LMF1: variants seen among roughly 807,000 people sequenced by gnomAD.
LMF1 encodes lipase maturation factor 1.
A neutral mutation model predicts 60.6 loss-of-function variants in LMF1; 68 were observed. The ratio of observed to expected loss-of-function variants is 1.12; its 90% CI spans 0.92 to 1.37. The LOEUF (loss-of-function observed/expected upper bound fraction) is 1.37, where lower values mean the gene tolerates loss of function less well. LMF1 is among the 40% of genes most tolerant of loss of function. The probability of loss-of-function intolerance (pLI) is 0.00; values close to 1 mark genes in which losing one functional copy is unlikely to be tolerated. For synonymous variants in LMF1, 418 were observed against 324.7 expected, an observed-to-expected ratio of 1.29 and a Z score of -3.09; for missense variants, 948 against 767.2, an observed-to-expected ratio of 1.24 and a Z score of -2.78.
At chr16:896,874 C>T (rs956897448) in intron 4 of LMF1, among the ~76,000 whole-genome samples, 1 of 152,082 alleles carries the variant, frequency 6.6e-6, no homozygotes, top group Non-Finnish European at 1.5e-5. Context: ...AATTATATTC[C>T]TCCCATCTAT....
At chr16:949,764 T>C (rs375338540) in intron 2 of LMF1, among the ~76,000 whole-genome samples, 3 of 78,240 alleles carry the variant, frequency 3.8e-5, no homozygotes, top group African/African-American at 7.7e-5. Flanking sequence ...TCAGAGCCAA[T>C]GACAGAGTCA....
chr16:856,506 T>G (rs1217898121), intron 10 of LMF1, among the ~76,000 whole-genome samples: 2 of 151,894 alleles, frequency 1.3e-5, no homozygotes, highest in East Asian at 3.9e-4. Context: ...GCCGGGAGGG[T>G]GGGGATCCTG....
chr16:958,104 C>T (rs1011937462), intron 1 of LMF1, among the ~76,000 whole-genome samples: 1 of 152,170 alleles, frequency 6.6e-6, no homozygotes, highest in Non-Finnish European at 1.5e-5. Context: ...CAAAAAGGAT[C>T]ATAGACCTAA....
intron 3 of LMF1, among the ~76,000 whole-genome samples, chr16:912,962 A>G (rs913213892): frequency 1.3e-5 from 2 of 152,328 alleles, no homozygotes; most frequent in South Asian, 2.1e-4. Context: ...CTCACCCAGC[A>G]AACACCAGCG....
chr16:892,104 C>T (rs113311990), intron 5 of LMF1, among the ~76,000 whole-genome samples: 1,959 of 152,326 alleles, frequency 0.013, 42 homozygotes, highest in African/African-American at 0.045. Context: ...GACCCGGAAT[C>T]GCAGCAGAGG....
intron 10 of LMF1, among the ~76,000 whole-genome samples, chr16:857,123 C>T (rs539372238): frequency 1.3e-5 from 2 of 152,378 alleles, no homozygotes; most frequent in Admixed American, 6.5e-5. Flanking sequence ...CGCTGACCGG[C>T]GTCTGCGGCG....
At chr16:868,664 G>T (rs1488794168) in intron 10 of LMF1, among the ~76,000 whole-genome samples, 1 of 151,104 alleles carries the variant, frequency 6.6e-6, no homozygotes, top group East Asian at 2.0e-4. Flanking sequence ...GTGAGCCGGG[G>T]TCACCCTGCC....
intron 5 of LMF1, among the ~76,000 whole-genome samples, chr16:890,413 G>A (rs1255399770): frequency 6.6e-6 from 1 of 152,302 alleles, no homozygotes; most frequent in South Asian, 2.1e-4. Context: ...CAGCTGGAAG[G>A]AGCCGGCCCG....
chr16:887,131 CAG>C (rs1403506509), intron 5 of LMF1: 1 of 152,160 alleles, frequency 6.6e-6, no homozygotes, highest in East Asian at 2.0e-4. Flanking sequence ...TGGTGACCCA[CAG>C]TCTGAGCGGG....
intron 10 of LMF1, among the ~76,000 whole-genome samples, chr16:868,469 C>T (rs986694510): frequency 1.3e-5 from 2 of 152,188 alleles, no homozygotes; most frequent in African/African-American, 4.8e-5. Flanking sequence ...GGGCTCCCTC[C>T]TTGGAATGTC....
At chr16:885,100 AG>A (rs1460879489) in intron 5 of LMF1, 2 of 152,384 alleles carry the variant, frequency 1.3e-5, no homozygotes, top group Middle Eastern at 3.4e-3. Flanking sequence ...AGGCCAGGAG[AG>A]GAAAATACTG....
intron 10 of LMF1, among the ~76,000 whole-genome samples, chr16:867,367 G>A (rs970624446): frequency 2.6e-5 from 4 of 152,206 alleles, no homozygotes; most frequent in African/African-American, 9.6e-5. Context: ...GCCAGAAGAG[G>A]CTTCCGTCAC....
At chr16:952,112 A>G (rs1164619732) in intron 2 of LMF1, among the ~76,000 whole-genome samples, 3 of 152,168 alleles carry the variant, frequency 2.0e-5, no homozygotes, top group Non-Finnish European at 4.4e-5. Context: ...TGGGTGCCCA[A>G]GGCATCCCCA....
Position 874,684 on chromosome 16 carries a change from G to A in LMF1, c.898-3343C>T, listed in dbSNP as rs2069918318. Reference sequence around the variant, plus strand: ...ACGGGAACCAGGACAGGCTCCGGGGGACGGTGCTCAGATGGGAACACACGG... The same window carrying A: ...ACGGGAACCAGGACAGGCTCCGGGGAACGGTGCTCAGATGGGAACACACGG... On this transcript the variant is annotated intron_variant, in intron 6 of 10. Coordinates refer to ENST00000262301, the MANE Select transcript of LMF1 (RefSeq NM_022773.4). The surrounding 1 kb of genome is among the most constrained non-coding windows in gnomAD (Gnocchi z 4.1). 1.3e-5 allele frequency among the ~76,000 whole-genome samples: 2 copies of A among 152,002 alleles called. No individual in the cohort carries two copies. Among genetic ancestry groups the A allele is most frequent in the African/African-American group, 2.4e-5 (1 of 41,368 alleles).
At chr16:967,413 G>C (rs1013400314) in intron 1 of LMF1, among the ~76,000 whole-genome samples, 1 of 152,234 alleles carries the variant, frequency 6.6e-6, no homozygotes, top group African/African-American at 2.4e-5. Flanking sequence ...CGGTGAGCCT[G>C]GGCATGGTGC....
rs1351375321 is a variant in LMF1, at chr16:878,722, G to A, written c.897+848C>T. Among the ~76,000 whole-genome samples the A allele has an allele frequency of 6.6e-6, 1 of 151,342 alleles. No individual in the cohort carries two copies. Among genetic ancestry groups the A allele is most frequent in the Non-Finnish European group, 1.5e-5 (1 of 67,886 alleles). On this transcript the variant is annotated intron_variant, in intron 6 of 10. Coordinates refer to ENST00000262301, the MANE Select transcript of LMF1 (RefSeq NM_022773.4). This position sits in a 1 kb window ranked among gnomAD's most constrained non-coding sequence, Gnocchi z 5.2. ...CCTCTAGGCGGCGGTGCTCTGGCAG[G>A]GGTGGGCAGGGCAGGGGAAGGGCGG...
At chr16:968,608 G>A (rs2072974943) in intron 1 of LMF1, 1 of 152,220 alleles carries the variant, frequency 6.6e-6, no homozygotes. Flanking sequence ...CCATGTCCCT[G>A]AAAGATGGGA....
rs957115504 is a variant in LMF1 at position 900,681 on chromosome 16, A to G, written c.664-7609T>C. 2.8e-3 allele frequency: 251 copies of G among 90,840 alleles called. 2 individuals carry two copies. Among genetic ancestry groups the G allele is most frequent in the African/African-American group, 0.012 (204 of 17,604 alleles). The allele number at this position is 90,840 out of a possible 1,614,324, so 5.6% of individuals were successfully genotyped here. A position where few individuals can be genotyped will look rare whatever the true frequency, so the allele number is the denominator to read the frequency against. ...CCCGCCAGCATACCTGCTAATTTTTATGTGTGTGTGTGTGTGTGTGTGTGT... is the reference window on the plus strand; with the variant it reads ...CCCGCCAGCATACCTGCTAATTTTTGTGTGTGTGTGTGTGTGTGTGTGTGT... On this transcript the variant is annotated intron_variant, in intron 4 of 10. Transcript: ENST00000262301.
upstream of LMF1, chr16:981,472 AGAG>A: frequency 3.8e-6 from 1 of 260,000 alleles, no homozygotes; most frequent in South Asian, 2.8e-5. Flanking sequence ...CGGCGCCCGC[AGAG>A]GAGAGGAAGC....
Sources: allele counts gnomAD v4.1 joint callset (sites outside exome capture counted in the v4.1 genomes callset), GRCh38; gene constraint gnomAD v4.1.1; non-coding constraint Gnocchi (gnomAD v3.1); transcripts MANE v1.5; gene names NCBI Gene and HGNC (gene_info 2026-07-23, HGNC 2026-07-21).